CDYL: variants seen among roughly 807,000 people sequenced by gnomAD.
The protein encoded by CDYL is chromodomain Y like, also known as chromodomain Y-like protein.
CDYL carries 8 observed loss-of-function variants against 47.3 expected under a neutral mutation model. The ratio of observed to expected loss-of-function variants is 0.17; its 90% CI spans 0.10 to 0.31. CDYL has a LOEUF of 0.31. CDYL is among the 10% of genes least tolerant of loss of function. CDYL has a pLI of 1.00. For synonymous variants in CDYL, 266 were observed against 265.0 expected (o/e 1.00, Z -0.04); for missense variants, 471 against 701.4 (o/e 0.67, Z 3.71).
chr6:4,912,984 C>T (rs1757455911), intron 2 of CDYL, among the ~76,000 whole-genome samples: 1 of 152,252 alleles, frequency 6.6e-6, no homozygotes, highest in Non-Finnish European at 1.5e-5. Context: ...ACCATAGCAG[C>T]TGCTGACTGC....
chr6:4,742,589 G>T (rs963603267), intron 3 of CDYL, among the ~76,000 whole-genome samples: 1 of 152,236 alleles, frequency 6.6e-6, no homozygotes, highest in African/African-American at 2.4e-5. Context: ...TGCTGGAAAA[G>T]AAAAGAAAAA....
At chr6:4,800,403 T>C (rs973291321) in intron 1 of CDYL, among the ~76,000 whole-genome samples, 2 of 152,224 alleles carry the variant, frequency 1.3e-5, no homozygotes, top group Admixed American at 6.5e-5. Flanking sequence ...AGTATTATTG[T>C]CACAGTTGTT....
intron 1 of CDYL, among the ~76,000 whole-genome samples, chr6:4,862,647 A>G (rs1444920533): frequency 3.3e-5 from 5 of 152,196 alleles, no homozygotes; most frequent in Non-Finnish European, 7.3e-5. Flanking sequence ...GGTCTACAAC[A>G]TTTTCACATA....
chr6:4,734,146 C>T (rs71555866), intron 2 of CDYL, among the ~76,000 whole-genome samples: 1 of 138,152 alleles, frequency 7.2e-6, no homozygotes, highest in East Asian at 2.1e-4. Flanking sequence ...AGCCCTCTCT[C>T]TGCTGTTTCC....
At chr6:4,765,624 C>G (rs1758240933) in intron 3 of CDYL, among the ~76,000 whole-genome samples, 1 of 151,358 alleles carries the variant, frequency 6.6e-6, no homozygotes, top group Middle Eastern at 3.4e-3. Context: ...AGTGCAGTGG[C>G]ACAATCTCAG....
intron 1 of CDYL, among the ~76,000 whole-genome samples, chr6:4,868,060 A>G (rs1206590252): frequency 6.6e-6 from 1 of 151,794 alleles, no homozygotes; most frequent in Non-Finnish European, 1.5e-5. Flanking sequence ...CCTTTCACAT[A>G]ACTTATTTTT....
chr6:4,758,491 C>A (rs1349775309), intron 3 of CDYL, among the ~76,000 whole-genome samples: 1 of 151,650 alleles, frequency 6.6e-6, no homozygotes, highest in Non-Finnish European at 1.5e-5. Flanking sequence ...CAAAACCCAT[C>A]TCTACTAAAA....
intron 2 of CDYL, among the ~76,000 whole-genome samples, chr6:4,934,505 A>G (rs902854433): frequency 1.3e-5 from 2 of 152,130 alleles, no homozygotes; most frequent in African/African-American, 4.8e-5. Context: ...TCTGATTCAT[A>G]ATTCTTCATG....
At chr6:4,925,658 C>G (rs555634378) in intron 2 of CDYL, among the ~76,000 whole-genome samples, 1 of 152,014 alleles carries the variant, frequency 6.6e-6, no homozygotes, top group South Asian at 2.1e-4. Flanking sequence ...CCTCGTGATC[C>G]GCCCACCTCG....
intron 3 of CDYL, among the ~76,000 whole-genome samples, chr6:4,765,388 C>T (rs1162970696): frequency 6.6e-6 from 1 of 151,124 alleles, no homozygotes; most frequent in African/African-American, 2.4e-5. Flanking sequence ...AAATATCTTT[C>T]TAATAACATG....
chr6:4,930,130 G>A (rs1757990614), intron 2 of CDYL, among the ~76,000 whole-genome samples: 1 of 152,184 alleles, frequency 6.6e-6, no homozygotes. Context: ...TCATGTATTT[G>A]ATGAAATCTC....
At chr6:4,747,577 C>T (rs907466325) in intron 3 of CDYL, among the ~76,000 whole-genome samples, 16 of 152,200 alleles carry the variant, frequency 1.1e-4, no homozygotes, top group Non-Finnish European at 1.6e-4. Flanking sequence ...ATATAAATTG[C>T]TTCCCAGGTC....
chr6:4,759,655 G>A (rs1758138256), intron 3 of CDYL, among the ~76,000 whole-genome samples: 1 of 151,730 alleles, frequency 6.6e-6, no homozygotes, highest in East Asian at 1.9e-4. Flanking sequence ...GCCGAGGTGG[G>A]TGGATCACCT....
chr6:4,732,134 G>A (rs983696207), intron 2 of CDYL, among the ~76,000 whole-genome samples: 6 of 151,378 alleles, frequency 4.0e-5, no homozygotes, highest in African/African-American at 1.5e-4. Flanking sequence ...AAGGAGTTTG[G>A]GACTGGCCTG....
intron 1 of CDYL, chr6:4,836,300 A>C: frequency 3.1e-6 from 3 of 980,854 alleles, no homozygotes; most frequent in Non-Finnish European, 3.6e-6. Context: ...AGTTGCATAG[A>C]ACCAAAAAGT....
At chr6:4,768,106 G>A (rs1291220982) in intron 3 of CDYL, among the ~76,000 whole-genome samples, 1 of 152,116 alleles carries the variant, frequency 6.6e-6, no homozygotes, top group African/African-American at 2.4e-5. Context: ...GAGTCTCAAA[G>A]GTGTCATGCA....
intron 2 of CDYL, among the ~76,000 whole-genome samples, chr6:4,894,196 C>T (rs1028574398): frequency 3.3e-5 from 5 of 152,216 alleles, no homozygotes; most frequent in African/African-American, 1.2e-4. Context: ...AGATGATGTT[C>T]ATGGAGAGAA....
At chr6:4,722,277 C>T (rs891968985) in intron 2 of CDYL, among the ~76,000 whole-genome samples, 3 of 151,734 alleles carry the variant, frequency 2.0e-5, no homozygotes, top group African/African-American at 7.3e-5. Context: ...GCCTGGGCAA[C>T]ACAGCAGGAC....
chr6:4,855,922 G>A (rs1480874926), intron 1 of CDYL, among the ~76,000 whole-genome samples: 3 of 152,210 alleles, frequency 2.0e-5, no homozygotes, highest in Non-Finnish European at 2.9e-5. Flanking sequence ...ATGCTCGGAC[G>A]TAGTTCTTAT....
Sources: gnomAD v4.1 joint callset for allele counts (sites outside exome capture counted in the v4.1 genomes callset) on GRCh38, gnomAD v4.1.1 for gene constraint, MANE v1.5 for transcripts, NCBI Gene and HGNC (gene_info 2026-07-23, HGNC 2026-07-21) for gene names.